The following ABCA10 variants were observed in gnomAD, a reference collection of about 807,000 sequenced individuals.
The protein encoded by ABCA10 is ATP-binding cassette sub-family A member 10.
A neutral mutation model predicts 187.5 loss-of-function variants in ABCA10; 169 were observed. The observed-to-expected ratio is 0.90, with a 90% CI of 0.80 to 1.02. ABCA10 has a LOEUF of 1.02. Ranked by LOEUF, ABCA10 falls within the 50% of genes least tolerant of loss-of-function variation. The pLI, the probability that ABCA10 is intolerant of heterozygous loss-of-function variation, is 0.00. For synonymous variants in ABCA10, 574 were observed against 601.8 expected (o/e 0.95, Z 0.68); for missense variants, 1,727 against 1,812.4 (o/e 0.95, Z 0.86).
upstream of ABCA10, among the ~76,000 whole-genome samples, chr17:69,231,864 A>G (rs554658140): frequency 6.6e-6 from 1 of 152,026 alleles, no homozygotes; most frequent in African/African-American, 2.4e-5. Flanking sequence ...GTTCCTTACA[A>G]TTATTTATTG....
intron 11 of ABCA10, chr17:69,196,253 A>C (rs1195791616): frequency 1.8e-5 from 3 of 164,728 alleles, no homozygotes; most frequent in Non-Finnish European, 3.8e-5. Flanking sequence ...CACTTCCCAG[A>C]CGGGGTGGCT....
intron 1 of ABCA10, chr17:69,234,964 A>G (rs1057133853): frequency 5.3e-5 from 8 of 152,218 alleles, no homozygotes; most frequent in Non-Finnish European, 1.2e-4. Flanking sequence ...TATCAATTAA[A>G]TTCTTAAGTA....
At position 69,149,100 on chromosome 17, in the gene ABCA10, G is replaced by A. The variant is rs75706760; in HGVS notation, c.4478-12C>T. 0.061 allele frequency: 98,568 copies of A among 1,612,728 alleles called. 3,732 individuals carry two copies. The highest frequency in any genetic ancestry group is 0.16 in the Admixed American group (9,708 of 59,938). The stretch of plus-strand genomic sequence containing the variant: ...GAAGGTCTGTTTCACTGCATGTAAA[G>A]AGACTGACATTAGTGGCTTATATAT... On this transcript the variant is annotated splice_polypyrimidine_tract_variant and intron_variant, in intron 37 of 38. Transcript: ENST00000690296.
At chr17:69,216,143 C>T (rs2074701983) in intron 7 of ABCA10, 74 bp downstream of exon 7, 3 of 1,548,266 alleles carry the variant, frequency 1.9e-6, no homozygotes, top group Non-Finnish European at 2.6e-6. Flanking sequence ...CACTAATATC[C>T]CAAAGAAACA....
Position 69,221,808 on chromosome 17 carries a change from T to C in ABCA10, c.287A>G (p.Asn96Ser), listed in dbSNP as rs1257380337. The C allele has an allele frequency of 1.2e-6, 2 of 1,609,936 alleles. No homozygotes were observed. Among genetic ancestry groups the C allele is most frequent in the African/African-American group, 1.3e-5 (1 of 74,624 alleles). ...KGFVAFQAAI[N>S]AAIIEVTTNH... Reference sequence around the variant, plus strand: ...GGCACTTACTTCTATAATTGCAGCATTAATTGCAGCTTGAAAAGCTACAAA... The same window carrying C: ...GGCACTTACTTCTATAATTGCAGCACTAATTGCAGCTTGAAAAGCTACAAA... Residue 96 changes from asparagine to serine, a missense_variant, in exon 5 of 39, where the codon AAT becomes AGT. By Grantham distance (46) the Asn-to-Ser change is conservative. Transcript: ENST00000690296.
chr17:69,236,250 A>G (rs1341933768), intron 1 of ABCA10, among the ~76,000 whole-genome samples: 1 of 152,234 alleles, frequency 6.6e-6, no homozygotes, highest in Non-Finnish European at 1.5e-5. Flanking sequence ...TCTAATATTT[A>G]TAATGCAGGC....
chr17:69,222,299 C>T (rs1184328747), intron 4 of ABCA10, among the ~76,000 whole-genome samples: 2 of 148,922 alleles, frequency 1.3e-5, no homozygotes, highest in African/African-American at 2.5e-5. Context: ...GATCGCGCCA[C>T]TGCACTCCAG....
chr17:69,199,112 C>T (rs992391193), intron 10 of ABCA10, among the ~76,000 whole-genome samples: 1 of 152,166 alleles, frequency 6.6e-6, no homozygotes, highest in African/African-American at 2.4e-5. Flanking sequence ...GTGGAAGGAC[C>T]TTCACATACC....
chr17:69,197,696 CTT>C (rs1237860296), intron 10 of ABCA10, among the ~76,000 whole-genome samples: 9 of 152,160 alleles, frequency 5.9e-5, no homozygotes, highest in Non-Finnish European at 1.2e-4. Flanking sequence ...ATTACTCACT[CTT>C]TTGTTTTCTT....
At chr17:69,156,804 T>C (rs761326072) in intron 28 of ABCA10, 28 bp downstream of exon 28, 181 of 1,311,098 alleles carry the variant, frequency 1.4e-4, no homozygotes, top group Non-Finnish European at 1.8e-4. Flanking sequence ...TTAGATTATA[T>C]TCAGATCTCA....
rs145861761 is a variant in ABCA10, at chr17:69,150,047, C to T, written c.4414G>A (p.Ala1472Thr). The change falls in exon 37 of 39, where the codon GCG becomes ACG. Residue 1472 changes from alanine (A) to threonine (T), a missense_variant. Ala to Thr is a moderately conservative substitution (Grantham distance 58). Transcript: ENST00000690296. ...ACATCCTCCACAGGTAACTTATACGCCATTAAAGAGGAATATCTGTCAGGA... is the reference window on the plus strand; with the variant it reads ...ACATCCTCCACAGGTAACTTATACGTCATTAAAGAGGAATATCTGTCAGGA... ...AWQERYSSLM[A>T]YKLPVEDVHP... The T allele has an allele frequency of 3.7e-4, 591 of 1,611,996 alleles. 2 individuals carry two copies. The highest frequency in any genetic ancestry group is 3.3e-4 in the Non-Finnish European group (389 of 1,178,878).
At chr17:69,222,973 T>G (rs1322170478) in intron 3 of ABCA10, among the ~76,000 whole-genome samples, 1 of 151,748 alleles carries the variant, frequency 6.6e-6, no homozygotes, top group African/African-American at 2.4e-5. Context: ...TATGTGCCTA[T>G]GTAAGCATAG....
At chr17:69,178,341 C>T (rs1250199735) in intron 22 of ABCA10, among the ~76,000 whole-genome samples, 2 of 152,150 alleles carry the variant, frequency 1.3e-5, no homozygotes, top group African/African-American at 4.8e-5. Flanking sequence ...AAGTGAGCCT[C>T]ACAGAATTGT....
intron 9 of ABCA10, among the ~76,000 whole-genome samples, chr17:69,213,572 G>A (rs540328136): frequency 6.6e-6 from 1 of 152,276 alleles, no homozygotes; most frequent in Non-Finnish European, 1.5e-5. Context: ...CACTCCCACT[G>A]TGCCCCCACA....
At chr17:69,237,156 G>C (rs2074876977) in intron 1 of ABCA10, among the ~76,000 whole-genome samples, 2 of 152,170 alleles carry the variant, frequency 1.3e-5, no homozygotes, top group East Asian at 3.8e-4. Context: ...GAGTCGACAA[G>C]TCTTACGTTC....
At chr17:69,203,433 C>T (rs532299361) in intron 9 of ABCA10, among the ~76,000 whole-genome samples, 3 of 152,256 alleles carry the variant, frequency 2.0e-5, no homozygotes, top group African/African-American at 7.2e-5. Context: ...CAGTGCCTCA[C>T]CCCTAGTAGC....
At chr17:69,168,242 G>T (rs538971084) in intron 25 of ABCA10, among the ~76,000 whole-genome samples, 1 of 152,120 alleles carries the variant, frequency 6.6e-6, no homozygotes, top group Non-Finnish European at 1.5e-5. Flanking sequence ...TTAAGTTTTA[G>T]AGAGTCAAAA....
upstream of ABCA10, among the ~76,000 whole-genome samples, chr17:69,232,251 T>C (rs1428588093): frequency 6.6e-6 from 1 of 152,154 alleles, no homozygotes; most frequent in Non-Finnish European, 1.5e-5. Flanking sequence ...TAATTATTGA[T>C]AGATGAGGGC....
At chr17:69,182,587 C>T (rs1340907352) in intron 21 of ABCA10, 88 bp downstream of exon 21, 2 of 1,367,578 alleles carry the variant, frequency 1.5e-6, no homozygotes, top group Non-Finnish European at 1.9e-6. Context: ...AGAAAACATA[C>T]TTAAGTTTCC....
Sources: gnomAD v4.1 joint callset for allele counts (sites outside exome capture counted in the v4.1 genomes callset) on GRCh38, gnomAD v4.1.1 for gene constraint, MANE v1.5 for transcripts, NCBI Gene and HGNC (gene_info 2026-07-23, HGNC 2026-07-21) for gene names.